Variants in PCDHGA4 observed in about 807,000 individuals in gnomAD.
The protein encoded by PCDHGA4 is protocadherin gamma-A4.
In PCDHGA4, 38 loss-of-function variants were observed where a neutral mutation model predicts 54.6. The observed-to-expected ratio is 0.70, with a 90% confidence interval of 0.54 to 0.91. The LOEUF is 0.91. Among genes scored for constraint, PCDHGA4 ranks in the 40% least tolerant of loss-of-function variants. The pLI, the probability that PCDHGA4 is intolerant of heterozygous loss-of-function variation, is 0.00. For synonymous variants in PCDHGA4, 511 were observed against 512.9 expected (o/e 1.00, Z 0.05); for missense variants, 1,298 against 1,220.9 (o/e 1.06, Z -0.94).
intron 1 of PCDHGA4, chr5:141,394,832 C>G: frequency 1.9e-6 from 3 of 1,613,828 alleles, no homozygotes; most frequent in Non-Finnish European, 2.5e-6. Context: ...AAGTCCTGAC[C>G]GAGTTGGGCA....
intron 1 of PCDHGA4, among the ~76,000 whole-genome samples, chr5:141,474,248 A>G (rs2099346089): frequency 6.6e-6 from 1 of 152,220 alleles, no homozygotes; most frequent in African/African-American, 2.4e-5. Context: ...TAGGGGAAAA[A>G]AAGACTGATA....
Position 141,432,029 on chromosome 5 carries a change from G to A in PCDHGA4, c.2515-62778G>A. 6.2e-7 allele frequency: 1 copy of A among 1,614,178 alleles called. No individual in the cohort carries two copies. Among genetic ancestry groups the A allele is most frequent in the South Asian group, 1.1e-5 (1 of 91,086 alleles). ...TCCTAGCTACAACATCACAGTGACC[G>A]CCACTGACCGGGGAACCCCGCCCCT... On this transcript the variant is annotated intron_variant, in intron 1 of 3. Coordinates refer to ENST00000571252, the MANE Select transcript of PCDHGA4 (RefSeq NM_018917.4). This position sits in a 1 kb window ranked among gnomAD's most constrained non-coding sequence, Gnocchi z 6.0.
intron 1 of PCDHGA4, chr5:141,414,696 A>T: frequency 6.2e-7 from 1 of 1,613,982 alleles, no homozygotes; most frequent in Non-Finnish European, 8.5e-7. Flanking sequence ...CTCTGTCCTC[A>T]TACATATCCA....
chr5:141,436,998 A>G (rs985067199), intron 1 of PCDHGA4, among the ~76,000 whole-genome samples: 23 of 152,242 alleles, frequency 1.5e-4, no homozygotes, highest in South Asian at 2.1e-4. Flanking sequence ...GTTTACTTCA[A>G]TGGGATCTTA....
chr5:141,476,952 T>A lies in PCDHGA4; in HGVS notation c.2515-17855T>A, dbSNP rs1463851594. On this transcript the variant is annotated intron_variant, in intron 1 of 3. Transcript: ENST00000571252. This position sits in a 1 kb window ranked among gnomAD's most constrained non-coding sequence, Gnocchi z 7.6. ...CTGGATGAAGGCCCCAACGGTGAAA[T>A]TATTTACTCCTTCGGCAGCCACAAC... 1 of 1,614,052 alleles carries A rather than the reference T, an allele frequency of 6.2e-7. No individual in the cohort carries two copies. Among genetic ancestry groups the A allele is most frequent in the Non-Finnish European group, 8.5e-7 (1 of 1,180,038 alleles).
intron 1 of PCDHGA4, chr5:141,393,684 T>C (rs1399508154): frequency 9.9e-6 from 16 of 1,613,904 alleles, no homozygotes; most frequent in Non-Finnish European, 1.3e-5. Flanking sequence ...ACAAACTCCG[T>C]TATTCCAGCT....
intron 1 of PCDHGA4, chr5:141,370,892 G>C: frequency 6.2e-7 from 1 of 1,613,936 alleles, no homozygotes; most frequent in Non-Finnish European, 8.5e-7. Flanking sequence ...GTGTCAATTC[G>C]CTGCAGCAGT....
At chr5:141,362,751 C>T (rs1293273265) in intron 1 of PCDHGA4, 5 of 673,946 alleles carry the variant, frequency 7.4e-6, no homozygotes, top group African/African-American at 1.8e-5. Context: ...TGATTGCAAA[C>T]CTTTATCACA....
Position 141,489,819 on chromosome 5 carries a change from G to T in PCDHGA4, c.2515-4988G>T. On this transcript the variant is annotated intron_variant, in intron 1 of 3. Transcript: ENST00000571252. This position sits in a 1 kb window ranked among gnomAD's most constrained non-coding sequence, Gnocchi z 4.5. ...TAAAAGATGGGAAGCCATTCCCAGA[G>T]CTGGTGCTAGAGCAGCAGCTGGATC... 6.2e-7 allele frequency: 1 copy of T among 1,614,190 alleles called. No homozygotes were observed.
intron 1 of PCDHGA4, among the ~76,000 whole-genome samples, chr5:141,454,222 T>C (rs1411974754): frequency 6.6e-6 from 1 of 152,118 alleles, no homozygotes; most frequent in African/African-American, 2.4e-5. Flanking sequence ...ATGAGAAAAG[T>C]AATTGTGATG....
chr5:141,404,043 C>G (rs781644500), intron 1 of PCDHGA4: 1 of 1,613,726 alleles, frequency 6.2e-7, no homozygotes, highest in African/African-American at 1.3e-5. Flanking sequence ...CCTCAGGGAA[C>G]AGTAATTCTT....
chr5:141,500,269 C>T (rs977958449), intron 2 of PCDHGA4, among the ~76,000 whole-genome samples: 1 of 151,504 alleles, frequency 6.6e-6, no homozygotes, highest in African/African-American at 2.4e-5. Context: ...ACTGCAGTGG[C>T]GCAATCTCGG....
intron 1 of PCDHGA4, chr5:141,383,918 T>A (rs1779590334): frequency 3.7e-6 from 6 of 1,613,948 alleles, no homozygotes; most frequent in Non-Finnish European, 5.1e-6. Flanking sequence ...GTTTTAGATG[T>A]AAATGATAAT....
At position 141,376,322 on chromosome 5, in the gene PCDHGA4, C is replaced by A. The variant is rs750074970; in HGVS notation, c.2514+18701C>A. On this transcript the variant is annotated intron_variant, in intron 1 of 3. Transcript: ENST00000571252. ...GCACTTTGTGGGCGTGGAAGGGGTTCGGGCTTTCCTGCAGACCTATTCCCA... is the reference window on the plus strand; with the variant it reads ...GCACTTTGTGGGCGTGGAAGGGGTTAGGGCTTTCCTGCAGACCTATTCCCA... The A allele has an allele frequency of 9.3e-6, 15 of 1,614,056 alleles. No individual in the cohort carries two copies. The Admixed American group carries it at 1.2e-4, about 13-fold the overall frequency.
At chr5:141,410,913 G>GC (rs1270456210) in intron 1 of PCDHGA4, 4 of 263,626 alleles carry the variant, frequency 1.5e-5, no homozygotes, top group African/African-American at 1.1e-4. Flanking sequence ...GAGTGCAGTG[G>GC]CGTGATCTCT....
intron 1 of PCDHGA4, chr5:141,366,134 G>T: frequency 6.2e-6 from 10 of 1,614,204 alleles, no homozygotes; most frequent in Non-Finnish European, 8.5e-6. Context: ...AGGCCAGAAC[G>T]CCTGGCTGTC....
intron 1 of PCDHGA4, chr5:141,399,985 G>A (rs775731140): frequency 6.2e-7 from 1 of 1,612,396 alleles, no homozygotes; most frequent in South Asian, 1.1e-5. Flanking sequence ...GCTGCGCACA[G>A]GAGAGGTGCG....
rs980109158 is a variant in PCDHGA4 at position 141,375,279 on chromosome 5, G to A, written c.2514+17658G>A. On this transcript the variant is annotated intron_variant, in intron 1 of 3. Transcript: ENST00000571252. ...CCATTTGAATTGGAAAAATCAGTTG[G>A]CAATTATTATCGATTAGTGACAAAT... is the stretch of plus-strand genomic sequence containing the variant. 18 of 1,613,688 alleles carry A rather than the reference G, an allele frequency of 1.1e-5. No individual in the cohort carries two copies. The highest frequency in any genetic ancestry group is 4.2e-6 in the Non-Finnish European group (5 of 1,179,904).
intron 1 of PCDHGA4, chr5:141,410,466 G>A (rs536543649): frequency 6.2e-7 from 1 of 1,613,908 alleles, no homozygotes; most frequent in African/African-American, 1.3e-5. Context: ...TATAATCTGT[G>A]CATTGCACAT....
Sources: gnomAD v4.1 joint callset for allele counts (sites outside exome capture counted in the v4.1 genomes callset) on GRCh38, gnomAD v4.1.1 for gene constraint, Gnocchi (gnomAD v3.1) non-coding constraint, MANE v1.5 for transcripts, NCBI Gene and HGNC (gene_info 2026-07-23, HGNC 2026-07-21) for gene names.